TMEM151A: variants seen among roughly 807,000 people sequenced by gnomAD.
The protein encoded by TMEM151A is transmembrane protein 151A.
In TMEM151A, 21 loss-of-function variants were observed where a neutral mutation model predicts 33.7. The observed-to-expected ratio is 0.62, with a 90% CI of 0.44 to 0.90. The LOEUF (loss-of-function observed/expected upper bound fraction) is 0.90. Ranked by LOEUF, TMEM151A falls within the 40% of genes least tolerant of loss-of-function variation. The probability of loss-of-function intolerance (pLI) is 0.00; values close to 1 mark genes in which losing one functional copy is unlikely to be tolerated. For missense variants in TMEM151A, 704 were observed against 697.7 expected (o/e 1.01, Z -0.10); for synonymous variants, 374 against 330.3 (o/e 1.13, Z -1.43).
At position 66,295,308 on chromosome 11, in the gene TMEM151A, G is replaced by A. The variant is rs370932846; in HGVS notation, c.1062G>A (p.Arg354=). Residue 354 remains arginine, a synonymous_variant, in exon 2 of 2, where the codon CGG becomes CGA. Transcript: ENST00000327259. ...TCGAGTGGCACATCTGCTCCAACCG[G>A]CAGCTGGTGCCCAGCTACTCGGAGG... ...TELEWHICSN[R]QLVPSYSEAV... is the part of the protein sequence containing the mutation. 5.0e-6 allele frequency: 8 copies of A among 1,584,814 alleles called. No homozygotes were observed. Among genetic ancestry groups the A allele is most frequent in the East Asian group, 2.3e-5 (1 of 43,512 alleles).
In TMEM151A at chr11:66,292,256, G is replaced by T. The variant is rs1203380278; in HGVS notation, c.75+168G>T. 6.6e-6 allele frequency among the ~76,000 whole-genome samples: 1 copy of T among 152,088 alleles called. No homozygotes were observed. The highest frequency in any genetic ancestry group is 2.1e-4 in the South Asian group (1 of 4,830). ...CCAAGGGTCCAGGGGCCCGCGTTGGGGGTAGGGGTGGGGCGGCTGGACAGC... is the reference window on the plus strand; with the variant it reads ...CCAAGGGTCCAGGGGCCCGCGTTGGTGGTAGGGGTGGGGCGGCTGGACAGC... On this transcript the variant is annotated intron_variant, in intron 1 of 1. Transcript: ENST00000327259. The surrounding 1 kb of genome is among the most constrained non-coding windows in gnomAD (Gnocchi z 4.7).
At position 66,292,605 on chromosome 11, in the gene TMEM151A, C is replaced by T. The variant is rs934075382; in HGVS notation, c.75+517C>T. ...GCTGGGACCCCCGACGGCCCCTCCT[C>T]AGCCCTAGCCAGGAAGGTCTGCAGG... On this transcript the variant is annotated intron_variant, in intron 1 of 1. Coordinates refer to ENST00000327259, the MANE Select transcript of TMEM151A (RefSeq NM_153266.4). The surrounding 1 kb of genome is among the most constrained non-coding windows in gnomAD (Gnocchi z 4.7). 3.3e-5 allele frequency among the ~76,000 whole-genome samples: 5 copies of T among 152,238 alleles called. No homozygotes were observed. The highest frequency in any genetic ancestry group is 1.2e-4 in the African/African-American group (5 of 41,460).
chr11:66,294,188 C>A, intron 1 of TMEM151A, 134 bp from the exon 2 acceptor site: 2 of 1,345,480 alleles, frequency 1.5e-6, no homozygotes, highest in Non-Finnish European at 2.0e-6. Flanking sequence ...AGCTGCTCAT[C>A]CCTCTAAGCC....
Position 66,293,292 on chromosome 11 carries a change from T to G in TMEM151A, c.76-1030T>G, listed in dbSNP as rs544100472. ...TCCTCTTGGGCCTCTGGAGGCCTGG[T>G]AGGTCTGGGGTAGGAGAGGTGGCCC... is the stretch of plus-strand genomic sequence containing the variant. On this transcript the variant is annotated intron_variant, in intron 1 of 1. Transcript: ENST00000327259. Among the ~76,000 whole-genome samples the G allele has an allele frequency of 2.3e-3, 346 of 152,238 alleles. 2 individuals carry two copies. Among genetic ancestry groups the G allele is most frequent in the African/African-American group, 8.1e-3 (336 of 41,518 alleles).
rs964259222 is a variant in TMEM151A, at chr11:66,295,998, T to C, written c.*345T>C. On this transcript the variant is annotated 3_prime_UTR_variant, in exon 2 of 2. Coordinates refer to ENST00000327259, the MANE Select transcript of TMEM151A (RefSeq NM_153266.4). ...GCTGTTGCCTGCAGCAGAGGCTGCC[T>C]GTGGACACTTCCCTACCGGGGCTGA... 7 of 221,284 alleles carry C rather than the reference T, an allele frequency of 3.2e-5. No individual in the cohort carries two copies. Among genetic ancestry groups the C allele is most frequent in the Non-Finnish European group, 6.2e-5 (7 of 112,958 alleles). 13.7% of individuals were successfully genotyped at this position (221,284 alleles called of 1,614,324 possible). A position where few individuals can be genotyped will look rare whatever the true frequency, so the allele number is the denominator to read the frequency against.
In TMEM151A at chr11:66,294,415, G is replaced by A; in HGVS notation, c.169G>A (p.Ala57Thr). Reference sequence around the variant, plus strand: ...CACGCTGCTCATCCACGCCTGCGGGGCCGTGGTGGCCTGGTGTCGCCTGGC... The same window carrying A: ...CACGCTGCTCATCCACGCCTGCGGGACCGTGGTGGCCTGGTGTCGCCTGGC... ...LLTLLIHACG[A>T]VVAWCRLATV... The change falls in exon 2 of 2, where the codon GCC (alanine) becomes ACC (threonine). Residue 57 changes from alanine to threonine, a missense_variant. Transcript: ENST00000327259. 1 of 1,611,558 alleles carries A rather than the reference G, an allele frequency of 6.2e-7. No individual in the cohort carries two copies. Among genetic ancestry groups the A allele is most frequent in the Non-Finnish European group, 8.5e-7 (1 of 1,179,680 alleles).
In TMEM151A at chr11:66,292,387, G is replaced by A. The variant is rs984412644; in HGVS notation, c.75+299G>A. 6.6e-6 allele frequency among the ~76,000 whole-genome samples: 1 copy of A among 152,180 alleles called. No individual in the cohort carries two copies. The highest frequency in any genetic ancestry group is 2.4e-5 in the African/African-American group (1 of 41,432). On this transcript the variant is annotated intron_variant, in intron 1 of 1. Transcript: ENST00000327259. The surrounding 1 kb of genome is among the most constrained non-coding windows in gnomAD (Gnocchi z 4.7). ...CGTCCCAGTGCCGCAGCGCAGCGGG[G>A]GATGCTGCCCCCACCCCCAGGGCCG... is the stretch of plus-strand genomic sequence containing the variant.
rs571117637 is a variant in TMEM151A at position 66,294,937 on chromosome 11, G to T, written c.691G>T (p.Ala231Ser). 2 of 1,549,340 alleles carry T rather than the reference G, an allele frequency of 1.3e-6. No homozygotes were observed. The highest frequency in any genetic ancestry group is 4.8e-5 in the East Asian group (2 of 41,422). ...GTGCTTCAGCTTCGGCAGCGCGGAG[G>T]CCGAGGCCTCGTACCTCACGCAGCG... ...TKCFSFGSAE[A>S]EASYLTQRAR... is the part of the protein sequence containing the mutation. The change falls in exon 2 of 2, where the codon GCC (alanine) becomes TCC (serine). Residue 231 changes from alanine (A) to serine (S), a missense_variant. Ala to Ser is a moderately conservative substitution (Grantham distance 99, BLOSUM62 1). Transcript: ENST00000327259.
chr11:66,296,056 A>G lies in TMEM151A; in HGVS notation c.*403A>G, dbSNP rs1590902430. 1 of 168,668 alleles carries G rather than the reference A, an allele frequency of 5.9e-6. No individual in the cohort carries two copies. Among genetic ancestry groups the G allele is most frequent in the Non-Finnish European group, 1.3e-5 (1 of 78,994 alleles). The allele number at this position is 168,668 out of a possible 1,614,324, so 10.4% of individuals were successfully genotyped here. On this transcript the variant is annotated 3_prime_UTR_variant, in exon 2 of 2. Transcript: ENST00000327259. Reference sequence around the variant, plus strand: ...CTGGGAGCCCCCCCAGTGACGCAGAAGCACAAATTGGAGGCTTGGGGCCAT... The same window carrying G: ...CTGGGAGCCCCCCCAGTGACGCAGAGGCACAAATTGGAGGCTTGGGGCCAT...
chr11:66,295,628 A>G lies in TMEM151A; in HGVS notation c.1382A>G (p.Gln461Arg). ...VLIVHGDSGCQGDGQGAL is the reference protein window; with the variant it reads ...VLIVHGDSGCRGDGQGAL ...ATTGTCCACGGAGACAGCGGCTGCC[A>G]GGGGGATGGGCAGGGTGCTCTCTGA... The change falls in exon 2 of 2, where the codon CAG becomes CGG. Residue 461 changes from glutamine (Q) to arginine (R), a missense_variant. Gln to Arg is a conservative substitution (Grantham distance 43, BLOSUM62 1). Coordinates refer to ENST00000327259, the MANE Select transcript of TMEM151A (RefSeq NM_153266.4). 3.2e-6 allele frequency: 5 copies of G among 1,545,560 alleles called. No individual in the cohort carries two copies. The highest frequency in any genetic ancestry group is 3.5e-6 in the Non-Finnish European group (4 of 1,148,536).
In TMEM151A at chr11:66,296,037, G is replaced by GC. The variant is rs35758463; in HGVS notation, c.*391dup. On this transcript the variant is annotated 3_prime_UTR_variant, in exon 2 of 2. Transcript: ENST00000327259. The stretch of plus-strand genomic sequence containing the variant: ...TACCGGGGCTGAGGCCATGCTGGGA[G>GC]CCCCCCCAGTGACGCAGAAGCACAA... The GC allele has an allele frequency of 0.27, 47,352 of 177,012 alleles. 6,704 individuals are homozygous for GC. The highest frequency in any genetic ancestry group is 0.33 in the Middle Eastern group (146 of 436). 11.0% of individuals were successfully genotyped at this position (177,012 alleles called of 1,614,324 possible). A position where few individuals can be genotyped will look rare whatever the true frequency, so the allele number is the denominator to read the frequency against.
chr11:66,295,610 A>G lies in TMEM151A; in HGVS notation c.1364A>G (p.His455Arg). 6.5e-7 allele frequency: 1 copy of G among 1,548,244 alleles called. No individual in the cohort carries two copies. Among genetic ancestry groups the G allele is most frequent in the African/African-American group, 1.4e-5 (1 of 70,222 alleles). The change falls in exon 2 of 2, where the codon CAC (histidine) becomes CGC (arginine). Residue 455 changes from histidine (H) to arginine (R), a missense_variant. By Grantham distance (29) the His-to-Arg change is conservative (BLOSUM62 0). Coordinates refer to ENST00000327259, the MANE Select transcript of TMEM151A (RefSeq NM_153266.4). ...DALYFPVLIV[H>R]GDSGCQGDGQ... ...CTCTACTTCCCGGTGCTCATTGTCC[A>G]CGGAGACAGCGGCTGCCAGGGGGAT...
chr11:66,291,949 C>G lies in TMEM151A; in HGVS notation c.-65C>G. On this transcript the variant is annotated 5_prime_UTR_variant, in exon 1 of 2. Coordinates refer to ENST00000327259, the MANE Select transcript of TMEM151A (RefSeq NM_153266.4). ...GACGCCCCCGGGGGCCGCGTCGCAG[C>G]CCTCCGTGCTCCCCCCTATCATGCC... 1 of 1,325,342 alleles carries G rather than the reference C, an allele frequency of 7.5e-7. No individual in the cohort carries two copies. The highest frequency in any genetic ancestry group is 1.0e-6 in the Non-Finnish European group (1 of 1,000,920). 82.1% of individuals were successfully genotyped at this position (1,325,342 alleles called of 1,614,324 possible). A position where few individuals can be genotyped will look rare whatever the true frequency, so the allele number is the denominator to read the frequency against.
At position 66,295,390 on chromosome 11, in the gene TMEM151A, C is replaced by G; in HGVS notation, c.1144C>G (p.Arg382Gly). The G allele has an allele frequency of 6.5e-7, 1 of 1,544,820 alleles. No individual in the cohort carries two copies. Among genetic ancestry groups the G allele is most frequent in the Non-Finnish European group, 8.7e-7 (1 of 1,147,484 alleles). The change falls in exon 2 of 2, where the codon CGC (arginine) becomes GGC (glycine). Residue 382 changes from arginine to glycine, a missense_variant. Transcript: ENST00000327259. ...CCTCAGAGGCTGCCAGCGCTGCCGC[C>G]GCTCTGTCAGCAGCAACTCGCTGCC... ...AYLRGCQRCR[R>G]SVSSNSLPPA...
At chr11:66,293,153 G>A (rs1443614534) in intron 1 of TMEM151A, among the ~76,000 whole-genome samples, 4 of 152,054 alleles carry the variant, frequency 2.6e-5, no homozygotes, top group Admixed American at 6.5e-5. Context: ...GTGTTGGAGG[G>A]GCGTGGACAA....
Position 66,295,198 on chromosome 11 carries a change from C to T in TMEM151A, c.952C>T (p.Leu318Phe). The T allele has an allele frequency of 1.3e-6, 2 of 1,581,902 alleles. No individual in the cohort carries two copies. The highest frequency in any genetic ancestry group is 1.7e-6 in the Non-Finnish European group (2 of 1,166,232). The change falls in exon 2 of 2, where the codon CTC (leucine) becomes TTC (phenylalanine). Residue 318 changes from leucine to phenylalanine, a missense_variant. Physicochemically the swap from Leu to Phe is conservative, Grantham distance 22 (BLOSUM62 0). Coordinates refer to ENST00000327259, the MANE Select transcript of TMEM151A (RefSeq NM_153266.4). ...TCACGTGCACTACCAGGTGGAGAAG[C>T]TCTTTGGCGCCAGCTCGCCCCCGCC... ...TAHVHYQVEKLFGASSPPPGA... is the reference protein window; with the variant it reads ...TAHVHYQVEKFFGASSPPPGA...
rs1857513530 is a variant in TMEM151A, at chr11:66,295,694, C to T, written c.*41C>T. 2 of 1,410,406 alleles carry T rather than the reference C, an allele frequency of 1.4e-6. No individual in the cohort carries two copies. The highest frequency in any genetic ancestry group is 1.5e-5 in the African/African-American group (1 of 66,234). 87.4% of individuals were successfully genotyped at this position (1,410,406 alleles called of 1,614,324 possible). On this transcript the variant is annotated 3_prime_UTR_variant, in exon 2 of 2. Transcript: ENST00000327259. ...CCAGAGTGGCCCCCTCCCCACCATT[C>T]CACCATGGGCTTAGATGCCCGAGTG...
rs1857508528 is a variant in TMEM151A, at chr11:66,295,463, T to C, written c.1217T>C (p.Leu406Pro). Residue 406 changes from leucine (L) to proline (P), a missense_variant, in exon 2 of 2, where the codon CTC becomes CCC. This residue lies in a region of TMEM151A where 398 missense variants were observed against 356.0 expected (regional missense o/e 1.12). Transcript: ENST00000327259. ...CGCCTGCCCTTCAGCCGCAGCCGCC[T>C]CTCGCTGGGCGCTGGCGGCCGGGCC... ...GPRLPFSRSRLSLGAGGRATP... is the reference protein window; with the variant it reads ...GPRLPFSRSRPSLGAGGRATP... 3.5e-6 allele frequency: 5 copies of C among 1,423,486 alleles called. No individual in the cohort carries two copies. Among genetic ancestry groups the C allele is most frequent in the East Asian group, 3.0e-5 (1 of 33,376 alleles). 88.2% of individuals were successfully genotyped at this position (1,423,486 alleles called of 1,614,324 possible). A position where few individuals can be genotyped will look rare whatever the true frequency, so the allele number is the denominator to read the frequency against.
Position 66,294,522 on chromosome 11 carries a change from C to T in TMEM151A, c.276C>T (p.Ser92=), listed in dbSNP as rs771810396. 3 of 1,611,060 alleles carry T rather than the reference C, an allele frequency of 1.9e-6. No homozygotes were observed. Among genetic ancestry groups the T allele is most frequent in the South Asian group, 2.2e-5 (2 of 90,790 alleles). ...AGGPPPTYPA[S]PCSDGYLYIP... ...GCCCGCCACCGACCTACCCGGCCAGCCCCTGCTCCGATGGCTACCTGTACA... is the reference window on the plus strand; with the variant it reads ...GCCCGCCACCGACCTACCCGGCCAGTCCCTGCTCCGATGGCTACCTGTACA... Residue 92 remains serine, a synonymous_variant, in exon 2 of 2, where the codon AGC becomes AGT. Transcript: ENST00000327259.
Sources: allele counts gnomAD v4.1 joint callset (sites outside exome capture counted in the v4.1 genomes callset), GRCh38; gene constraint gnomAD v4.1.1; regional missense constraint gnomAD v4.1.1; non-coding constraint Gnocchi (gnomAD v3.1); transcripts MANE v1.5; gene names NCBI Gene and HGNC (gene_info 2026-07-23, HGNC 2026-07-21).